The following XPO4 variants were observed in gnomAD, a reference collection of about 807,000 sequenced individuals.
XPO4 encodes exportin 4.
In XPO4, 39 loss-of-function variants were observed where a neutral mutation model predicts 143.0. The observed-to-expected ratio is 0.27, with a 90% CI of 0.21 to 0.36. The LOEUF (loss-of-function observed/expected upper bound fraction) is 0.36, where lower values mean the gene tolerates loss of function less well. XPO4 is among the 10% of genes least tolerant of loss of function. The pLI is 1.00. For missense variants in XPO4, 907 were observed against 1,348.0 expected (o/e 0.67, Z 5.12); for synonymous variants, 439 against 474.0 (o/e 0.93, Z 0.96).
rs778912935 is a variant in XPO4 at position 20,827,662 on chromosome 13, C to CA, written c.728-484dup. 3.0e-4 allele frequency among the ~76,000 whole-genome samples: 46 copies of CA among 151,842 alleles called. No homozygotes were observed. The East Asian group carries it at 7.7e-3, about 26-fold the overall frequency. On this transcript the variant is annotated intron_variant, in intron 6 of 22. Coordinates refer to ENST00000255305, the MANE Select transcript of XPO4 (RefSeq NM_022459.5). ...TATATTCACTGGAAAAGCAAAAGAACAAAAAGAGTAAACACATATAATATT... is the reference window on the plus strand; with the variant it reads ...TATATTCACTGGAAAAGCAAAAGAACAAAAAAGAGTAAACACATATAATATT...
In XPO4 at chr13:20,823,934, G is replaced by A. The variant is rs919457971; in HGVS notation, c.841-1645C>T. Among the ~76,000 whole-genome samples the A allele has an allele frequency of 3.3e-5, 5 of 152,228 alleles. No homozygotes were observed. The East Asian group carries it at 7.7e-4, about 23-fold the overall frequency. Reference sequence around the variant, plus strand: ...CCCAAAGTGCTGGGATTACAGGCATGAGCCACCACGCCCGGCCAACATTCA... The same window carrying A: ...CCCAAAGTGCTGGGATTACAGGCATAAGCCACCACGCCCGGCCAACATTCA... On this transcript the variant is annotated intron_variant, in intron 7 of 22. Transcript: ENST00000255305.
chr13:20,788,163 C>G (rs1319858601), intron 20 of XPO4, among the ~76,000 whole-genome samples: 1 of 151,234 alleles, frequency 6.6e-6, no homozygotes, highest in Non-Finnish European at 1.5e-5. Flanking sequence ...TCAAGCGATA[C>G]TCCTGCCTCA....
At chr13:20,862,378 A>G (rs564998929) in intron 3 of XPO4, among the ~76,000 whole-genome samples, 1 of 152,378 alleles carries the variant, frequency 6.6e-6, no homozygotes, top group African/African-American at 2.4e-5. Flanking sequence ...CTTAAATAAA[A>G]GGTATTATTT....
At chr13:20,812,793 G>C (rs1247332129) in intron 9 of XPO4, among the ~76,000 whole-genome samples, 2 of 152,138 alleles carry the variant, frequency 1.3e-5, no homozygotes, top group Admixed American at 1.3e-4. Context: ...AAGGCACATG[G>C]AAACTCTCTG....
At chr13:20,855,853 A>AT in intron 3 of XPO4, 88 bp from the exon 4 acceptor site, 1 of 1,336,010 alleles carries the variant, frequency 7.5e-7, no homozygotes, top group South Asian at 1.5e-5. Flanking sequence ...GAAGCTACTA[A>AT]TAACATTGCT....
intron 2 of XPO4, among the ~76,000 whole-genome samples, chr13:20,867,941 A>C (rs1033663273): frequency 6.6e-6 from 1 of 152,214 alleles, no homozygotes; most frequent in Non-Finnish European, 1.5e-5. Context: ...TCTAAGGGAC[A>C]GATGGCACAT....
chr13:20,803,538 G>A lies in XPO4; in HGVS notation c.1818-2548C>T, dbSNP rs1249561454. Among the ~76,000 whole-genome samples the A allele has an allele frequency of 2.0e-5, 3 of 152,100 alleles. No individual in the cohort carries two copies. The highest frequency in any genetic ancestry group is 7.2e-5 in the African/African-American group (3 of 41,410). On this transcript the variant is annotated intron_variant, in intron 13 of 22. Transcript: ENST00000255305. This position sits in a 1 kb window ranked among gnomAD's most constrained non-coding sequence, Gnocchi z 4.1. Reference sequence around the variant, plus strand: ...TCTCCATCTTCACTCCCAAGACTACGTAGGAAAATGCTTCCTAACTTGCCT... The same window carrying A: ...TCTCCATCTTCACTCCCAAGACTACATAGGAAAATGCTTCCTAACTTGCCT...
Position 20,800,333 on chromosome 13 carries a change from G to C in XPO4, c.1978-8C>G, listed in dbSNP as rs374763166. 4 of 1,595,220 alleles carry C rather than the reference G, an allele frequency of 2.5e-6. No individual in the cohort carries two copies. The highest frequency in any genetic ancestry group is 3.4e-4 in the Middle Eastern group (2 of 5,962). The stretch of plus-strand genomic sequence containing the variant: ...ACTGAATGGCAGACTTATCTTAAGA[G>C]AGGAAACAAATTTTTTAAGGTAAGC... On this transcript the variant is annotated splice_region_variant and splice_polypyrimidine_tract_variant and intron_variant, in intron 14 of 22. Coordinates refer to ENST00000255305, the MANE Select transcript of XPO4 (RefSeq NM_022459.5).
chr13:20,895,578 G>A (rs1230517843), intron 1 of XPO4, among the ~76,000 whole-genome samples: 1 of 151,562 alleles, frequency 6.6e-6, no homozygotes, highest in Non-Finnish European at 1.5e-5. Flanking sequence ...GTTGCAGTGA[G>A]CCGAGATCGC....
intron 7 of XPO4, among the ~76,000 whole-genome samples, chr13:20,826,832 T>G (rs1424570286): frequency 2.6e-5 from 4 of 152,242 alleles, no homozygotes; most frequent in African/African-American, 9.6e-5. Context: ...AGAGGGGTCC[T>G]GAAATTAAAA....
At chr13:20,853,379 T>TG (rs1310425918) in intron 4 of XPO4, among the ~76,000 whole-genome samples, 1 of 148,412 alleles carries the variant, frequency 6.7e-6, no homozygotes, top group African/African-American at 2.5e-5. Flanking sequence ...TACAGTAGCC[T>TG]GTACCTTAAT....
At chr13:20,854,535 G>T (rs1443718121) in intron 4 of XPO4, among the ~76,000 whole-genome samples, 1 of 152,164 alleles carries the variant, frequency 6.6e-6, no homozygotes, top group Non-Finnish European at 1.5e-5. Flanking sequence ...TCTTTAAAAT[G>T]ATTAAATAAA....
chr13:20,847,694 A>G (rs968189391), intron 4 of XPO4, among the ~76,000 whole-genome samples: 7 of 152,192 alleles, frequency 4.6e-5, no homozygotes, highest in Admixed American at 1.3e-4. Flanking sequence ...TGGCTCTGAT[A>G]CTTAAGACAG....
intron 10 of XPO4, 28 bp from the exon 11 acceptor site, chr13:20,809,253 G>A (rs747507545): frequency 6.2e-7 from 1 of 1,607,772 alleles, no homozygotes; most frequent in Non-Finnish European, 8.5e-7. Context: ...AATAAACAAT[G>A]AGGAACTGCA....
chr13:20,853,866 G>A (rs537743318), intron 4 of XPO4, among the ~76,000 whole-genome samples: 2 of 152,320 alleles, frequency 1.3e-5, no homozygotes, highest in African/African-American at 2.4e-5. Flanking sequence ...ACATATTGGG[G>A]AGCACAGACA....
intron 1 of XPO4, among the ~76,000 whole-genome samples, chr13:20,879,752 G>A (rs2060388454): frequency 1.3e-5 from 2 of 152,034 alleles, no homozygotes; most frequent in African/African-American, 4.8e-5. Flanking sequence ...TACATCAAAT[G>A]ACATTATCAA....
intron 1 of XPO4, among the ~76,000 whole-genome samples, chr13:20,879,811 T>A (rs1249470098): frequency 6.6e-6 from 1 of 152,096 alleles, no homozygotes; most frequent in East Asian, 1.9e-4. Flanking sequence ...TATAAATCAT[T>A]TACTTATCTG....
rs1566552512 is a variant in XPO4, at chr13:20,786,311, A to ACG, written c.3258+653_3258+654insCG. Among the ~76,000 whole-genome samples, 118 of 64,594 alleles carry ACG rather than the reference A, an allele frequency of 1.8e-3. 1 individual carries two copies. Among genetic ancestry groups the ACG allele is most frequent in the African/African-American group, 3.8e-3 (117 of 30,644 alleles). The allele number at this position is 64,594 out of a possible 152,430, so 42.4% of individuals were successfully genotyped here. A position where few individuals can be genotyped will look rare whatever the true frequency, so the allele number is the denominator to read the frequency against. Reference sequence around the variant, plus strand: ...TATATATATATACGTGTGTGTGTATATATATATATATATATATGTACCTTA... The same window carrying ACG: ...TATATATATATACGTGTGTGTGTATACGTATATATATATATATATGTACCTTA... On this transcript the variant is annotated intron_variant, in intron 22 of 22. Transcript: ENST00000255305.
At chr13:20,852,551 G>A (rs1222877191) in intron 4 of XPO4, 3 of 984,562 alleles carry the variant, frequency 3.0e-6, no homozygotes, top group African/African-American at 1.7e-5. Flanking sequence ...TGAAGCATCA[G>A]CATCTCATGA....
Sources: allele counts gnomAD v4.1 joint callset (sites outside exome capture counted in the v4.1 genomes callset), GRCh38; gene constraint gnomAD v4.1.1; non-coding constraint Gnocchi (gnomAD v3.1); transcripts MANE v1.5; gene names NCBI Gene and HGNC (gene_info 2026-07-23, HGNC 2026-07-21).